The following KIFAP3 variants were observed in gnomAD, a reference collection of about 807,000 sequenced individuals.
KIFAP3 encodes the protein kinesin-associated protein 3.
KIFAP3 carries 68 observed loss-of-function variants against 106.5 expected under a neutral mutation model. That is an observed-to-expected ratio of 0.64 (90% CI 0.53 to 0.78). The LOEUF is 0.78. KIFAP3 is among the 30% of genes least tolerant of loss of function. KIFAP3 has a pLI of 0.00. For missense variants in KIFAP3, 780 were observed against 941.8 expected (o/e 0.83, Z 2.25); for synonymous variants, 320 against 311.5 (o/e 1.03, Z -0.29).
At chr1:170,062,014 G>A (rs1272692132) in intron 1 of KIFAP3, among the ~76,000 whole-genome samples, 1 of 152,046 alleles carries the variant, frequency 6.6e-6, no homozygotes, top group African/African-American at 2.4e-5. Flanking sequence ...GGCCTGTCAC[G>A]TGGTGGGGAG....
chr1:170,032,002 G>A lies in KIFAP3; in HGVS notation c.743-18C>T, dbSNP rs1265000211. Reference sequence around the variant, plus strand: ...TTCATCAAGTAAACAACTTGTTAAGGATCATCCATACTCATTGAAGCAAAA... The same window carrying A: ...TTCATCAAGTAAACAACTTGTTAAGAATCATCCATACTCATTGAAGCAAAA... On this transcript the variant is annotated intron_variant, in intron 7 of 19. Transcript: ENST00000361580. The A allele has an allele frequency of 1.4e-6, 2 of 1,474,984 alleles. No individual in the cohort carries two copies. The highest frequency in any genetic ancestry group is 1.9e-6 in the Non-Finnish European group (2 of 1,059,650). The allele number at this position is 1,474,984 out of a possible 1,614,324, so 91.4% of individuals were successfully genotyped here. A position where few individuals can be genotyped will look rare whatever the true frequency, so the allele number is the denominator to read the frequency against.
chr1:170,033,888 T>C (rs187863901), intron 7 of KIFAP3, among the ~76,000 whole-genome samples: 133 of 151,960 alleles, frequency 8.8e-4, no homozygotes, highest in African/African-American at 3.0e-3. Context: ...GTTCTATTAT[T>C]CTATAGGCCT....
chr1:169,950,556 G>A (rs1267655490), intron 19 of KIFAP3, among the ~76,000 whole-genome samples: 1 of 152,056 alleles, frequency 6.6e-6, no homozygotes, highest in Non-Finnish European at 1.5e-5. Context: ...GATATTTAGA[G>A]AATCAGCTTT....
rs144818272 is a variant in KIFAP3, at chr1:169,999,173, A to T, written c.1184-6918T>A. Among the ~76,000 whole-genome samples the T allele has an allele frequency of 2.2e-3, 332 of 152,316 alleles. 1 individual carries two copies. The highest frequency in any genetic ancestry group is 3.2e-3 in the Non-Finnish European group (216 of 68,022). On this transcript the variant is annotated intron_variant, in intron 10 of 19. Coordinates refer to ENST00000361580, the MANE Select transcript of KIFAP3 (RefSeq NM_014970.4). ...AACTAATAGTCTTCTTCATTCACTG[A>T]AAGAAAGAACATCTGAGTTCTTACA...
chr1:169,987,693 T>A (rs763446989), intron 11 of KIFAP3, among the ~76,000 whole-genome samples: 1 of 151,960 alleles, frequency 6.6e-6, no homozygotes, highest in Middle Eastern at 3.2e-3. Flanking sequence ...AGGACAACTG[T>A]GGTGGAAAAC....
chr1:169,921,749 C>T lies in KIFAP3; in HGVS notation c.2306G>A (p.Gly769Asp). 6.2e-7 allele frequency: 1 copy of T among 1,613,740 alleles called. No individual in the cohort carries two copies. The highest frequency in any genetic ancestry group is 2.2e-5 in the East Asian group (1 of 44,874). The change falls in exon 20 of 20, where the codon GGC becomes GAC. Residue 769 changes from glycine (G) to aspartate (D), a missense_variant. Transcript: ENST00000361580. Reference sequence around the variant, plus strand: ...TGCTGTGGCAGGGCGTCCAAGAATGCCAACTGGTTGGCCAAAGCCATCCAT... The same window carrying T: ...TGCTGTGGCAGGGCGTCCAAGAATGTCAACTGGTTGGCCAAAGCCATCCAT... Reference protein sequence around the residue: ...LGMDGFGQPVGILGRPATAYG... With the variant: ...LGMDGFGQPVDILGRPATAYG...
intron 19 of KIFAP3, among the ~76,000 whole-genome samples, chr1:169,928,484 C>T (rs950704997): frequency 5.9e-5 from 9 of 151,770 alleles, no homozygotes; most frequent in African/African-American, 1.9e-4. Flanking sequence ...CTGAGGTAGG[C>T]GGGTTGCCTG....
chr1:170,075,512 C>T (rs924415280), upstream of KIFAP3, among the ~76,000 whole-genome samples: 5 of 152,160 alleles, frequency 3.3e-5, no homozygotes, highest in Admixed American at 2.0e-4. Flanking sequence ...GAGACGTGCA[C>T]GTAGTTGCTC....
chr1:169,939,049 T>C (rs761989892), intron 19 of KIFAP3, among the ~76,000 whole-genome samples: 34 of 152,108 alleles, frequency 2.2e-4, no homozygotes, highest in Non-Finnish European at 4.1e-4. Flanking sequence ...TACAGGAGTA[T>C]GGGAAGCCAT....
At chr1:170,024,667 C>G in intron 8 of KIFAP3, 71 bp from the exon 9 acceptor site, 1 of 930,738 alleles carries the variant, frequency 1.1e-6, no homozygotes. Flanking sequence ...ATCATTTCTA[C>G]TCACCAAGGC....
intron 3 of KIFAP3, among the ~76,000 whole-genome samples, chr1:170,045,816 G>A (rs1225145039): frequency 2.6e-5 from 4 of 152,098 alleles, no homozygotes; most frequent in African/African-American, 7.2e-5. Context: ...GCTATACTTT[G>A]GCCCATTTCC....
chr1:170,042,359 G>A (rs538595904), intron 3 of KIFAP3, among the ~76,000 whole-genome samples: 3 of 152,270 alleles, frequency 2.0e-5, no homozygotes, highest in South Asian at 2.1e-4. Flanking sequence ...AACCTGACAA[G>A]CTGGCAACAG....
intron 1 of KIFAP3, among the ~76,000 whole-genome samples, chr1:170,060,084 G>A (rs903223033): frequency 5.3e-5 from 8 of 152,130 alleles, no homozygotes; most frequent in Non-Finnish European, 1.0e-4. Context: ...AAAACTGGAA[G>A]CATTCCCTTT....
chr1:169,997,613 G>A (rs1384652375), intron 10 of KIFAP3, among the ~76,000 whole-genome samples: 8 of 152,082 alleles, frequency 5.3e-5, no homozygotes. Context: ...GTTCATGCCT[G>A]TAATCTTAGC....
intron 19 of KIFAP3, among the ~76,000 whole-genome samples, chr1:169,948,876 C>A (rs1664585863): frequency 6.6e-6 from 1 of 151,846 alleles, no homozygotes; most frequent in Admixed American, 6.6e-5. Flanking sequence ...AAACACTGCA[C>A]AATGCCTTTT....
chr1:169,993,403 C>A (rs990139365), intron 10 of KIFAP3, among the ~76,000 whole-genome samples: 5 of 151,596 alleles, frequency 3.3e-5, no homozygotes, highest in Non-Finnish European at 5.9e-5. Context: ...AGCCACCGCG[C>A]CTGGCCCTAA....
intron 19 of KIFAP3, among the ~76,000 whole-genome samples, chr1:169,952,995 A>C (rs1259680421): frequency 6.6e-6 from 1 of 152,148 alleles, no homozygotes. Flanking sequence ...GAATTTAAGA[A>C]GAAAAAAATT....
chr1:170,082,654 C>G (rs561039900), intron 1 of KIFAP3, among the ~76,000 whole-genome samples: 4 of 152,046 alleles, frequency 2.6e-5, no homozygotes, highest in Admixed American at 2.6e-4. Flanking sequence ...AAGTAGTAAG[C>G]CAAATGGGTG....
intron 2 of KIFAP3, among the ~76,000 whole-genome samples, chr1:170,050,178 T>C (rs1235839137): frequency 6.6e-6 from 1 of 151,980 alleles, no homozygotes; most frequent in Non-Finnish European, 1.5e-5. Context: ...AAACACAGCA[T>C]GAAAACTTCG....
Sources: allele counts gnomAD v4.1 joint callset (sites outside exome capture counted in the v4.1 genomes callset), GRCh38; gene constraint gnomAD v4.1.1; transcripts MANE v1.5; gene names NCBI Gene and HGNC (gene_info 2026-07-23, HGNC 2026-07-21).